The following KCND3 variants were observed in gnomAD, a reference collection of about 807,000 sequenced individuals.
KCND3 encodes the protein A-type voltage-gated potassium channel KCND3.
In KCND3, 9 loss-of-function variants were observed where a neutral mutation model predicts 51.1. The observed-to-expected ratio is 0.18, with a 90% CI of 0.11 to 0.31. The LOEUF is 0.31. KCND3 is among the 10% of genes least tolerant of loss of function. The probability of loss-of-function intolerance (pLI) is 1.00; values close to 1 mark genes in which losing one functional copy is unlikely to be tolerated. For missense variants in KCND3, 526 were observed against 903.8 expected, an observed-to-expected ratio of 0.58 and a Z score of 5.36; for synonymous variants, 349 against 368.0, an observed-to-expected ratio of 0.95 and a Z score of 0.59.
intron 2 of KCND3, among the ~76,000 whole-genome samples, chr1:111,844,300 CT>C (rs772931684): frequency 3.3e-5 from 5 of 152,196 alleles, no homozygotes; most frequent in Non-Finnish European, 5.9e-5. Flanking sequence ...GGGAGGCCCC[CT>C]CTTTGATAAG....
intron 2 of KCND3, among the ~76,000 whole-genome samples, chr1:111,959,400 T>A (rs1003903643): frequency 8.5e-5 from 13 of 152,180 alleles, no homozygotes; most frequent in African/African-American, 3.1e-4. Context: ...CAAACAGTCC[T>A]CCCTTCCCAC....
chr1:111,908,763 C>T (rs1415096871), intron 2 of KCND3, among the ~76,000 whole-genome samples: 2 of 152,130 alleles, frequency 1.3e-5, no homozygotes, highest in African/African-American at 4.8e-5. Context: ...AACTCTTCTC[C>T]TATCATAGAA....
chr1:111,953,946 C>A (rs1034807410), intron 2 of KCND3, among the ~76,000 whole-genome samples: 1 of 152,156 alleles, frequency 6.6e-6, no homozygotes, highest in Non-Finnish European at 1.5e-5. Flanking sequence ...GGGAAGCCGA[C>A]CTCTATGGAC....
intron 2 of KCND3, among the ~76,000 whole-genome samples, chr1:111,859,306 T>C (rs1668229974): frequency 6.6e-6 from 1 of 152,204 alleles, no homozygotes; most frequent in Non-Finnish European, 1.5e-5. Context: ...CTTTGGGCCA[T>C]CTTGGTCTCA....
chr1:111,957,079 A>G (rs556682215), intron 2 of KCND3, among the ~76,000 whole-genome samples: 1 of 152,210 alleles, frequency 6.6e-6, no homozygotes, highest in Admixed American at 6.5e-5. Flanking sequence ...AAAACATCTC[A>G]AACAAAACAC....
rs79573498 is a variant in KCND3, at chr1:111,850,430, C to G, written c.1107-63324G>C. ...TGTGCCATCTGGGGACCCCTCACAG[C>G]TGACCCATAGGCCTCCTTCCCCTTG... On this transcript the variant is annotated intron_variant, in intron 2 of 7. Transcript: ENST00000302127. 2.6e-5 allele frequency among the ~76,000 whole-genome samples: 4 copies of G among 152,288 alleles called. No homozygotes were observed. The East Asian group carries it at 5.8e-4, about 22-fold the overall frequency.
Position 111,814,172 on chromosome 1 carries a change from T to C in KCND3, c.1107-27066A>G, listed in dbSNP as rs117925467. 6.0e-4 allele frequency among the ~76,000 whole-genome samples: 91 copies of C among 152,360 alleles called. 1 individual carries two copies. The East Asian group carries it at 0.012, about 20-fold the overall frequency. Reference sequence around the variant, plus strand: ...ACATGAATAGATGTTTATTCACATATGCTACGTGCCGGGCATTGCGTCAGA... The same window carrying C: ...ACATGAATAGATGTTTATTCACATACGCTACGTGCCGGGCATTGCGTCAGA... On this transcript the variant is annotated intron_variant, in intron 2 of 7. Coordinates refer to ENST00000302127, the MANE Select transcript of KCND3 (RefSeq NM_001378969.1).
intron 2 of KCND3, among the ~76,000 whole-genome samples, chr1:111,844,210 A>G (rs1667451854): frequency 6.6e-6 from 1 of 152,166 alleles, no homozygotes; most frequent in Non-Finnish European, 1.5e-5. Flanking sequence ...ATGAAAGCAA[A>G]TTGGACACCA....
At position 111,804,376 on chromosome 1, in the gene KCND3, C is replaced by T. The variant is rs1023391175; in HGVS notation, c.1107-17270G>A. Reference sequence around the variant, plus strand: ...GGGACCCATCTGTCAGCCTTCCCCACACCCTGTTGCGACTGCACGCATTTT... The same window carrying T: ...GGGACCCATCTGTCAGCCTTCCCCATACCCTGTTGCGACTGCACGCATTTT... On this transcript the variant is annotated intron_variant, in intron 2 of 7. Coordinates refer to ENST00000302127, the MANE Select transcript of KCND3 (RefSeq NM_001378969.1). Among the ~76,000 whole-genome samples, 5 of 152,392 alleles carry T rather than the reference C, an allele frequency of 3.3e-5. No homozygotes were observed. In the East Asian group the frequency reaches 7.7e-4, roughly 23 times the overall value.
At chr1:111,918,953 G>A (rs1308333354) in intron 2 of KCND3, among the ~76,000 whole-genome samples, 3 of 151,948 alleles carry the variant, frequency 2.0e-5, no homozygotes, top group African/African-American at 7.3e-5. Flanking sequence ...AGCTGAGGAA[G>A]GGTGAAGAGG....
At chr1:111,848,009 G>A (rs1385415740) in intron 2 of KCND3, among the ~76,000 whole-genome samples, 2 of 152,220 alleles carry the variant, frequency 1.3e-5, no homozygotes, top group Non-Finnish European at 2.9e-5. Flanking sequence ...TGCAGTCAAG[G>A]CAGGGCTAAG....
chr1:111,987,775 C>A (rs1011420466), intron 1 of KCND3, among the ~76,000 whole-genome samples: 3 of 152,122 alleles, frequency 2.0e-5, no homozygotes, highest in Non-Finnish European at 4.4e-5. Flanking sequence ...TTTACTAGGA[C>A]GTGGACGCCT....
chr1:111,825,564 AT>A (rs948549614), intron 2 of KCND3, among the ~76,000 whole-genome samples: 1 of 152,120 alleles, frequency 6.6e-6, no homozygotes, highest in Admixed American at 6.5e-5. Flanking sequence ...AATAAAGTTT[AT>A]TTTTTCCATA....
At chr1:111,817,125 T>A (rs936573977) in intron 2 of KCND3, among the ~76,000 whole-genome samples, 2 of 152,136 alleles carry the variant, frequency 1.3e-5, no homozygotes, top group Non-Finnish European at 2.9e-5. Context: ...TCTCGATGTT[T>A]TTTCCCTTAA....
intron 2 of KCND3, among the ~76,000 whole-genome samples, chr1:111,897,185 C>T (rs1208408134): frequency 1.3e-5 from 2 of 152,204 alleles, no homozygotes; most frequent in Admixed American, 1.3e-4. Context: ...CCTAAGTCCT[C>T]ATCCACGTTT....
chr1:111,892,340 T>C (rs1036020230), intron 2 of KCND3, among the ~76,000 whole-genome samples: 1 of 152,210 alleles, frequency 6.6e-6, no homozygotes, highest in Admixed American at 6.5e-5. Context: ...GTATCATTTA[T>C]TGGGCATTGC....
intron 2 of KCND3, among the ~76,000 whole-genome samples, chr1:111,948,943 CAAG>C (rs1245817035): frequency 1.3e-5 from 2 of 152,084 alleles, no homozygotes; most frequent in Admixed American, 6.5e-5. Context: ...GGCTGGCTAT[CAAG>C]AAGATCTTTT....
At chr1:111,881,445 T>G (rs955131168) in intron 2 of KCND3, among the ~76,000 whole-genome samples, 7 of 152,224 alleles carry the variant, frequency 4.6e-5, no homozygotes, top group African/African-American at 1.7e-4. Flanking sequence ...GGCTTTGCTC[T>G]CTCATCTGGC....
chr1:111,837,167 C>T (rs1667103236), intron 2 of KCND3, among the ~76,000 whole-genome samples: 1 of 152,158 alleles, frequency 6.6e-6, no homozygotes, highest in Non-Finnish European at 1.5e-5. Context: ...GGCTTAGGGA[C>T]ATACTTAGGG....
Sources: allele counts gnomAD v4.1 joint callset (sites outside exome capture counted in the v4.1 genomes callset), GRCh38; gene constraint gnomAD v4.1.1; transcripts MANE v1.5; gene names NCBI Gene and HGNC (gene_info 2026-07-23, HGNC 2026-07-21).